TRANK1: variants seen among roughly 807,000 people sequenced by gnomAD.
TRANK1 encodes tetratricopeptide repeat and ankyrin repeat containing 1.
In TRANK1, 198 loss-of-function variants were observed where a neutral mutation model predicts 266.0. The observed-to-expected ratio is 0.74, with a 90% confidence interval of 0.66 to 0.84. The LOEUF is 0.84. Among genes scored for constraint, TRANK1 ranks in the 40% least tolerant of loss-of-function variants. The pLI is 0.00. For missense variants in TRANK1, 3,326 were observed against 3,634.6 expected (o/e 0.92, Z 2.18); for synonymous variants, 1,396 against 1,384.1 (o/e 1.01, Z -0.19).
chr3:36,873,737 A>C (rs1264688097), intron 9 of TRANK1, among the ~76,000 whole-genome samples: 4 of 152,036 alleles, frequency 2.6e-5, no homozygotes, highest in Non-Finnish European at 4.4e-5. Flanking sequence ...ATAAACCAAG[A>C]AATAGAGATG....
chr3:36,848,740 G>A (rs2078947519), intron 15 of TRANK1, among the ~76,000 whole-genome samples: 1 of 152,162 alleles, frequency 6.6e-6, no homozygotes, highest in Admixed American at 6.5e-5. Context: ...CAATCTTCAG[G>A]ACATATTTGT....
At chr3:36,897,844 T>C (rs1473797014) in intron 4 of TRANK1, among the ~76,000 whole-genome samples, 1 of 152,244 alleles carries the variant, frequency 6.6e-6, no homozygotes, top group Non-Finnish European at 1.5e-5. Flanking sequence ...GACTGCACCA[T>C]CACTGCCAAG....
intron 13 of TRANK1, among the ~76,000 whole-genome samples, chr3:36,852,589 C>A (rs923550789): frequency 6.6e-6 from 1 of 151,884 alleles, no homozygotes; most frequent in East Asian, 1.9e-4. Context: ...CATTCCCAAC[C>A]TATATTCATA....
Position 36,881,366 on chromosome 3 carries a change from G to A in TRANK1, c.908-7070C>T, listed in dbSNP as rs1034662112. Among the ~76,000 whole-genome samples, 8 of 151,906 alleles carry A rather than the reference G, an allele frequency of 5.3e-5. No homozygotes were observed. The East Asian group carries it at 1.2e-3, about 22-fold the overall frequency. ...ACTGGGGAGGCTGAGGCAGAATGGCGTGAACCCAGGAGGCAGAGCTTGCAG... is the reference window on the plus strand; with the variant it reads ...ACTGGGGAGGCTGAGGCAGAATGGCATGAACCCAGGAGGCAGAGCTTGCAG... On this transcript the variant is annotated intron_variant, in intron 8 of 23. Coordinates refer to ENST00000645898, the MANE Select transcript of TRANK1 (RefSeq NM_001329998.2).
intron 8 of TRANK1, among the ~76,000 whole-genome samples, chr3:36,882,421 CAGACTTTTA>C (rs1254244200): frequency 6.6e-6 from 1 of 152,070 alleles, no homozygotes; most frequent in African/African-American, 2.4e-5. Context: ...GAGGTTAAGA[CAGACTTTTA>C]AATAAATAGT....
chr3:36,858,427 C>T (rs559913562), intron 12 of TRANK1, among the ~76,000 whole-genome samples: 35 of 152,288 alleles, frequency 2.3e-4, no homozygotes, highest in Admixed American at 1.6e-3. Flanking sequence ...ATCCTTCATA[C>T]GCAGACCCTT....
intron 1 of TRANK1, among the ~76,000 whole-genome samples, chr3:36,933,480 C>T (rs1398434228): frequency 6.6e-6 from 1 of 152,238 alleles, no homozygotes; most frequent in Non-Finnish European, 1.5e-5. Context: ...ACCCAAAGCT[C>T]AGAGATTAGG....
At chr3:36,868,339 A>C (rs1229930836) in intron 9 of TRANK1, among the ~76,000 whole-genome samples, 1 of 152,240 alleles carries the variant, frequency 6.6e-6, no homozygotes, top group Non-Finnish European at 1.5e-5. Context: ...GCTTAAAGTC[A>C]GTTTCCAAGA....
At position 36,872,476 on chromosome 3, in the gene TRANK1, T is replaced by TA. The variant is rs1278946054; in HGVS notation, c.1078+1649dup. On this transcript the variant is annotated intron_variant, in intron 9 of 23. Transcript: ENST00000645898. ...CAGAGAAGAAAGGAGAAACTTTTTT[T>TA]AAAAAAAAAGTATTTGCTTTTTTAA... Among the ~76,000 whole-genome samples the TA allele has an allele frequency of 7.3e-5, 11 of 151,652 alleles. No homozygotes were observed. In the South Asian group the frequency reaches 1.0e-3, roughly 14 times the overall value.
chr3:36,835,041 C>T (rs115366630), intron 20 of TRANK1, 134 bp from the exon 21 acceptor site: 154 of 980,944 alleles, frequency 1.6e-4, no homozygotes, highest in Middle Eastern at 3.3e-4. Flanking sequence ...AACCCTAGGC[C>T]GGGCGTGGTG....
intron 3 of TRANK1, among the ~76,000 whole-genome samples, chr3:36,902,765 G>A (rs948705342): frequency 9.2e-5 from 14 of 152,210 alleles, no homozygotes; most frequent in Non-Finnish European, 2.9e-5. Flanking sequence ...CAAAGAACAT[G>A]CACAGATTAT....
At chr3:36,849,637 G>A (rs1005512302) in intron 15 of TRANK1, among the ~76,000 whole-genome samples, 3 of 152,190 alleles carry the variant, frequency 2.0e-5, no homozygotes, top group Non-Finnish European at 4.4e-5. Context: ...AGCAATCACT[G>A]TTCAGCAGCC....
intron 2 of TRANK1, among the ~76,000 whole-genome samples, chr3:36,907,716 G>A (rs928520144): frequency 2.0e-5 from 3 of 151,890 alleles, no homozygotes; most frequent in Middle Eastern, 3.4e-3. Flanking sequence ...TGCCCACCTC[G>A]GCCTCCCAAA....
At position 36,855,926 on chromosome 3, in the gene TRANK1, C is replaced by T. The variant is rs367688889; in HGVS notation, c.3796G>A (p.Glu1266Lys). 5 of 1,613,358 alleles carry T rather than the reference C, an allele frequency of 3.1e-6. No individual in the cohort carries two copies. The highest frequency in any genetic ancestry group is 4.2e-6 in the Non-Finnish European group (5 of 1,179,840). The change falls in exon 13 of 24, where the codon GAA becomes AAA. Residue 1266 changes from glutamate to lysine, a missense_variant. Physicochemically the swap from Glu to Lys is moderately conservative, Grantham distance 56. Transcript: ENST00000645898. ...SLPKPFFLRN[E>K]DGSLKRTIIG... ...ATGGTTCTTTTCAAGCTTCCATCTTCGTTTCTCAGAAAAAATGGTTTGGGC... is the reference window on the plus strand; with the variant it reads ...ATGGTTCTTTTCAAGCTTCCATCTTTGTTTCTCAGAAAAAATGGTTTGGGC...
rs558461414 is a variant in TRANK1 at position 36,884,536 on chromosome 3, T to C, written c.907+5293A>G. 2.0e-4 allele frequency among the ~76,000 whole-genome samples: 31 copies of C among 152,296 alleles called. No homozygotes were observed. The South Asian group carries it at 3.5e-3, about 17-fold the overall frequency. On this transcript the variant is annotated intron_variant, in intron 8 of 23. Coordinates refer to ENST00000645898, the MANE Select transcript of TRANK1 (RefSeq NM_001329998.2). ...AGCAACAAAATAAATAATCATACCA[T>C]TGGATTTTATCCCATAGAATAAAAT... is the stretch of plus-strand genomic sequence containing the variant.
intron 1 of TRANK1, among the ~76,000 whole-genome samples, chr3:36,935,964 T>C (rs1456481913): frequency 1.3e-5 from 2 of 152,184 alleles, no homozygotes; most frequent in African/African-American, 4.8e-5. Flanking sequence ...TTCTGGCCAT[T>C]TCCCATAAAG....
At position 36,857,702 on chromosome 3, in the gene TRANK1, CA is replaced by C. The variant is rs753007231; in HGVS notation, c.2019del (p.Gly674ValfsTer42). 1 of 1,613,984 alleles carries C rather than the reference CA, an allele frequency of 6.2e-7. No individual in the cohort carries two copies. The highest frequency in any genetic ancestry group is 8.5e-7 in the Non-Finnish European group (1 of 1,179,870). Reference sequence around the variant, plus strand: ...TGGGACTTGAGCTGAGATGTGTGACCAGGGGCAGTGGACTTTGAGAGCTTCC... The same window carrying C: ...TGGGACTTGAGCTGAGATGTGTGACCGGGGCAGTGGACTTTGAGAGCTTCC... ...HLGKLSKSTAPGHTSQLKSQG... is the reference protein window; with the variant it reads ...HLGKLSKSTAXGHTSQLKSQG... On this transcript the variant is annotated frameshift_variant, in exon 13 of 24. Transcript: ENST00000645898. LOFTEE classifies it high-confidence loss of function. This position sits in a 1 kb window ranked among gnomAD's most constrained non-coding sequence, Gnocchi z 4.3.
chr3:36,879,916 A>G (rs1456192931), intron 8 of TRANK1, among the ~76,000 whole-genome samples: 5 of 68,444 alleles, frequency 7.3e-5, no homozygotes, highest in Non-Finnish European at 9.9e-5. Context: ...ACATGCAAAT[A>G]TATGTAAACA....
At chr3:36,884,311 T>G (rs576409465) in intron 8 of TRANK1, among the ~76,000 whole-genome samples, 1 of 152,300 alleles carries the variant, frequency 6.6e-6, no homozygotes, top group Non-Finnish European at 1.5e-5. Context: ...GTACCAGATC[T>G]TGTTTCCTCT....
Sources: gnomAD v4.1 joint callset for allele counts (sites outside exome capture counted in the v4.1 genomes callset) on GRCh38, gnomAD v4.1.1 for gene constraint, Gnocchi (gnomAD v3.1) non-coding constraint, MANE v1.5 for transcripts, NCBI Gene and HGNC (gene_info 2026-07-23, HGNC 2026-07-21) for gene names.